OXR1: variants seen among roughly 807,000 people sequenced by gnomAD.
OXR1 encodes oxidation resistance 1.
A neutral mutation model predicts 104.6 loss-of-function variants in OXR1; 41 were observed. The observed-to-expected ratio is 0.39, with a 90% CI of 0.31 to 0.51. OXR1 has a LOEUF of 0.51. Ranked by LOEUF, OXR1 falls within the 20% of genes least tolerant of loss-of-function variation. The probability of loss-of-function intolerance (pLI) is 0.77; values close to 1 mark genes in which losing one functional copy is unlikely to be tolerated. For missense variants in OXR1, 955 were observed against 1,031.9 expected (o/e 0.93, Z 1.02); for synonymous variants, 348 against 348.4 (o/e 1.00, Z 0.01).
At chr8:106,569,971 CA>C (rs1370010182) in intron 3 of OXR1, among the ~76,000 whole-genome samples, 3 of 152,164 alleles carry the variant, frequency 2.0e-5, no homozygotes, top group Non-Finnish European at 2.9e-5. Flanking sequence ...ATAACCAGAA[CA>C]TACAGCATCT....
Position 106,644,869 on chromosome 8 carries a change from C to T in OXR1, c.221-34341C>T, listed in dbSNP as rs186542161. On this transcript the variant is annotated intron_variant, in intron 3 of 16. Transcript: ENST00000517566. ...AATTGAGGTTCCTGAGTTCCCCACC[C>T]TACAGCCATGGAACCAGAATCTCTG... is the stretch of plus-strand genomic sequence containing the variant. Among the ~76,000 whole-genome samples the T allele has an allele frequency of 7.2e-5, 11 of 152,300 alleles. No homozygotes were observed. The East Asian group carries it at 1.7e-3, about 24-fold the overall frequency.
chr8:106,440,228 A>C (rs1445975374), intron 2 of OXR1, among the ~76,000 whole-genome samples: 1 of 152,040 alleles, frequency 6.6e-6, no homozygotes, highest in Non-Finnish European at 1.5e-5. Flanking sequence ...CCCACACCCT[A>C]CCCCAAAAAG....
intron 3 of OXR1, among the ~76,000 whole-genome samples, chr8:106,634,907 T>G (rs1271411522): frequency 6.6e-6 from 1 of 151,640 alleles, no homozygotes; most frequent in East Asian, 1.9e-4. Flanking sequence ...ACATTGGCAC[T>G]ACCTGGGAGA....
intron 3 of OXR1, among the ~76,000 whole-genome samples, chr8:106,650,261 G>A (rs538024679): frequency 1.7e-4 from 26 of 152,262 alleles, no homozygotes; most frequent in South Asian, 4.1e-4. Context: ...CTATTTTACA[G>A]GTAAGGAACC....
intron 1 of OXR1, among the ~76,000 whole-genome samples, chr8:106,354,504 G>T (rs183642757): frequency 6.6e-5 from 10 of 152,156 alleles, no homozygotes; most frequent in Non-Finnish European, 1.0e-4. Context: ...GGATATCCCA[G>T]TTTGAAATTA....
chr8:106,526,938 T>C (rs1190078113), intron 3 of OXR1, among the ~76,000 whole-genome samples: 1 of 152,194 alleles, frequency 6.6e-6, no homozygotes, highest in Non-Finnish European at 1.5e-5. Flanking sequence ...ATCAAGGCCA[T>C]GAAAGCTGTG....
intron 3 of OXR1, among the ~76,000 whole-genome samples, chr8:106,561,808 C>A (rs1244856370): frequency 6.6e-6 from 1 of 152,178 alleles, no homozygotes; most frequent in Non-Finnish European, 1.5e-5. Flanking sequence ...TGTTCTGCAG[C>A]CTCTGCTGGT....
chr8:106,484,700 A>G (rs953447250), intron 2 of OXR1, among the ~76,000 whole-genome samples: 3 of 151,970 alleles, frequency 2.0e-5, no homozygotes, highest in Non-Finnish European at 4.4e-5. Context: ...GACAACAGGA[A>G]CTCTCATTCA....
chr8:106,702,756 A>G, intron 7 of OXR1, 150 bp from the exon 8 acceptor site: 1 of 556,530 alleles, frequency 1.8e-6, no homozygotes, highest in Non-Finnish European at 3.0e-6. Context: ...CTTGGGTTTT[A>G]ATAAAAATGG....
At chr8:106,597,381 T>C (rs929773341) in intron 3 of OXR1, among the ~76,000 whole-genome samples, 6 of 152,268 alleles carry the variant, frequency 3.9e-5, no homozygotes, top group Admixed American at 1.3e-4. Flanking sequence ...ACCTTGATCT[T>C]GGAATTCTCA....
chr8:106,295,420 G>A (rs558272293), intron 1 of OXR1, among the ~76,000 whole-genome samples: 2 of 152,094 alleles, frequency 1.3e-5, no homozygotes, highest in East Asian at 3.9e-4. Flanking sequence ...TCATATATAT[G>A]TGATGTATAC....
intron 3 of OXR1, among the ~76,000 whole-genome samples, chr8:106,587,023 TA>T (rs1213195718): frequency 6.6e-6 from 1 of 152,200 alleles, no homozygotes; most frequent in African/African-American, 2.4e-5. Flanking sequence ...ATCCATAGTG[TA>T]AATTGGGTCA....
intron 3 of OXR1, among the ~76,000 whole-genome samples, chr8:106,579,790 GCC>G: frequency 6.6e-6 from 1 of 151,594 alleles, no homozygotes; most frequent in Non-Finnish European, 1.5e-5. Context: ...ATATAATTGA[GCC>G]CTCACAATCT....
intron 4 of OXR1, among the ~76,000 whole-genome samples, chr8:106,682,308 G>A (rs1471780061): frequency 1.9e-4 from 24 of 128,356 alleles, no homozygotes; most frequent in Non-Finnish European, 2.8e-4. Context: ...TCGCCCTGTC[G>A]CCCAGACTGG....
At chr8:106,475,196 A>C (rs1446084976) in intron 2 of OXR1, among the ~76,000 whole-genome samples, 1 of 151,918 alleles carries the variant, frequency 6.6e-6, no homozygotes. Flanking sequence ...CTAATAGCCT[A>C]CTGCTGGCCA....
Position 106,570,615 on chromosome 8 carries a change from C to T in OXR1, c.220+51476C>T, listed in dbSNP as rs138732519. Reference sequence around the variant, plus strand: ...TCTTCTGAAATGGTGCAAGAAGAACCCTTTTCCATCCTGTGAGAAGGACCC... The same window carrying T: ...TCTTCTGAAATGGTGCAAGAAGAACTCTTTTCCATCCTGTGAGAAGGACCC... On this transcript the variant is annotated intron_variant, in intron 3 of 16. Transcript: ENST00000517566. 1.4e-4 allele frequency among the ~76,000 whole-genome samples: 22 copies of T among 152,218 alleles called. No homozygotes were observed. In the East Asian group the frequency reaches 4.1e-3, roughly 28 times the overall value.
Position 106,648,279 on chromosome 8 carries a change from G to A in OXR1, c.221-30931G>A, listed in dbSNP as rs188161995. On this transcript the variant is annotated intron_variant, in intron 3 of 16. Transcript: ENST00000517566. The stretch of plus-strand genomic sequence containing the variant: ...GCTGGGGCAGGAATAAAAAGATTGA[G>A]AAGATTGAACATTAAACAGAACTTC... 2.4e-4 allele frequency among the ~76,000 whole-genome samples: 37 copies of A among 152,232 alleles called. 1 individual carries two copies. The East Asian group carries it at 5.6e-3, about 23-fold the overall frequency.
chr8:106,430,670 G>T (rs1206798271), intron 2 of OXR1, among the ~76,000 whole-genome samples: 1 of 152,160 alleles, frequency 6.6e-6, no homozygotes. Context: ...AGTTGCTGGA[G>T]AAAATAATAG....
At chr8:106,479,229 T>C (rs995038238) in intron 2 of OXR1, among the ~76,000 whole-genome samples, 1 of 151,992 alleles carries the variant, frequency 6.6e-6, no homozygotes, top group Non-Finnish European at 1.5e-5. Context: ...ATCTGTCTTA[T>C]ATTGTCTGTT....
Sources: allele counts gnomAD v4.1 joint callset (sites outside exome capture counted in the v4.1 genomes callset), GRCh38; gene constraint gnomAD v4.1.1; transcripts MANE v1.5; gene names NCBI Gene and HGNC (gene_info 2026-07-23, HGNC 2026-07-21).